The following PDE4D variants were observed in gnomAD, a reference collection of about 807,000 sequenced individuals.
The protein encoded by PDE4D is 3',5'-cyclic-AMP phosphodiesterase 4D.
A neutral mutation model predicts 87.4 loss-of-function variants in PDE4D; 24 were observed. That is an observed-to-expected ratio of 0.27 (90% CI 0.20 to 0.39). The LOEUF (loss-of-function observed/expected upper bound fraction) is 0.39, where lower values mean the gene tolerates loss of function less well. Among genes scored for constraint, PDE4D ranks in the 10% least tolerant of loss-of-function variants. The pLI is 1.00. For synonymous variants in PDE4D, 384 were observed against 383.2 expected (o/e 1.00, Z -0.02); for missense variants, 714 against 1,041.0 (o/e 0.69, Z 4.32).
At chr5:59,647,012 G>A (rs967151360) in intron 1 of PDE4D, among the ~76,000 whole-genome samples, 6 of 152,108 alleles carry the variant, frequency 3.9e-5, no homozygotes, top group African/African-American at 9.7e-5. Flanking sequence ...TCCAGCCTGG[G>A]TGACAGAGAG....
intron 1 of PDE4D, among the ~76,000 whole-genome samples, chr5:59,463,814 G>C (rs1037925586): frequency 6.6e-6 from 1 of 152,156 alleles, no homozygotes; most frequent in Non-Finnish European, 1.5e-5. Flanking sequence ...AGATCAGATT[G>C]TCACTGTGTC....
intron 1 of PDE4D, among the ~76,000 whole-genome samples, chr5:59,548,865 A>G (rs294486): frequency 0.85 from 129,104 of 152,014 alleles, 55,069 homozygotes; most frequent in South Asian, 0.92. Flanking sequence ...CTCCCATGAC[A>G]CCCCACTAGA....
intron 2 of PDE4D, among the ~76,000 whole-genome samples, chr5:60,152,837 A>T (rs1012378122): frequency 1.2e-3 from 184 of 152,214 alleles, no homozygotes; most frequent in African/African-American, 4.2e-3. Context: ...CTTCTGGGTT[A>T]TCCAATTTGT....
chr5:59,590,164 GAA>G (rs2153703022), intron 1 of PDE4D, among the ~76,000 whole-genome samples: 1 of 152,166 alleles, frequency 6.6e-6, no homozygotes, highest in African/African-American at 2.4e-5. Context: ...ATTTATATTA[GAA>G]AGAGGGTCTT....
chr5:59,705,079 G>A (rs1322967557), intron 1 of PDE4D, among the ~76,000 whole-genome samples: 1 of 152,146 alleles, frequency 6.6e-6, no homozygotes, highest in African/African-American at 2.4e-5. Context: ...CTAGCAATTC[G>A]CCAGAGTAAA....
chr5:59,685,185 C>T (rs1046838512), intron 1 of PDE4D, among the ~76,000 whole-genome samples: 3 of 152,172 alleles, frequency 2.0e-5, no homozygotes, highest in Non-Finnish European at 4.4e-5. Context: ...CTAATACGAA[C>T]ATAACTGTCT....
chr5:60,128,343 G>A (rs1181094684), intron 2 of PDE4D, among the ~76,000 whole-genome samples: 3 of 152,194 alleles, frequency 2.0e-5, no homozygotes, highest in Non-Finnish European at 4.4e-5. Context: ...CTTAAGCAGC[G>A]AGTGGCAGAG....
chr5:59,742,409 T>G (rs1758988253), intron 1 of PDE4D, among the ~76,000 whole-genome samples: 1 of 152,152 alleles, frequency 6.6e-6, no homozygotes, highest in Non-Finnish European at 1.5e-5. Flanking sequence ...CCCCACAAAT[T>G]ATCATGTTTA....
chr5:59,344,141 A>G (rs1561998828), intron 1 of PDE4D, among the ~76,000 whole-genome samples: 1 of 152,060 alleles, frequency 6.6e-6, no homozygotes, highest in Non-Finnish European at 1.5e-5. Flanking sequence ...TTTATGGGGG[A>G]AGAGGTTTTT....
intron 1 of PDE4D, among the ~76,000 whole-genome samples, chr5:60,456,983 G>A (rs1746520653): frequency 6.6e-6 from 1 of 152,136 alleles, no homozygotes; most frequent in Non-Finnish European, 1.5e-5. Flanking sequence ...ATACTAGTGA[G>A]CTAGTGAGTG....
intron 1 of PDE4D, among the ~76,000 whole-genome samples, chr5:59,272,838 G>A (rs1291965515): frequency 6.6e-6 from 1 of 152,146 alleles, no homozygotes; most frequent in African/African-American, 2.4e-5. Flanking sequence ...AATTAAGGCT[G>A]TAAGGACAAG....
chr5:60,051,872 C>T (rs549894686), intron 2 of PDE4D, among the ~76,000 whole-genome samples: 1 of 152,162 alleles, frequency 6.6e-6, no homozygotes, highest in African/African-American at 2.4e-5. Context: ...ACCACTGATC[C>T]CGCAGAAATA....
At chr5:59,838,603 C>T (rs562735494) in intron 1 of PDE4D, among the ~76,000 whole-genome samples, 4 of 152,058 alleles carry the variant, frequency 2.6e-5, no homozygotes, top group Non-Finnish European at 5.9e-5. Flanking sequence ...AGATTACCAA[C>T]TCGTTTAACA....
chr5:60,127,536 G>A (rs1030837016), intron 2 of PDE4D: 11 of 450,566 alleles, frequency 2.4e-5, no homozygotes, highest in African/African-American at 1.0e-4. Context: ...TAGATGCAGC[G>A]CATAACTGGA....
chr5:59,386,795 C>T (rs1262296572), intron 1 of PDE4D, among the ~76,000 whole-genome samples: 3 of 152,074 alleles, frequency 2.0e-5, no homozygotes, highest in African/African-American at 7.2e-5. Context: ...AAGTTTTATA[C>T]TAATCACAGG....
At chr5:59,628,477 G>A (rs1455531330) in intron 1 of PDE4D, among the ~76,000 whole-genome samples, 2 of 152,150 alleles carry the variant, frequency 1.3e-5, no homozygotes, top group African/African-American at 4.8e-5. Context: ...TGAAAATTTA[G>A]TTTCTTTCAC....
chr5:60,501,435 A>G (rs1750071595), intron 1 of PDE4D, among the ~76,000 whole-genome samples: 1 of 151,810 alleles, frequency 6.6e-6, no homozygotes. Flanking sequence ...AGTCTTTGCT[A>G]TTGTGAATAG....
chr5:59,444,595 G>A (rs1798087031), intron 1 of PDE4D, among the ~76,000 whole-genome samples: 1 of 151,998 alleles, frequency 6.6e-6, no homozygotes, highest in Non-Finnish European at 1.5e-5. Flanking sequence ...GGCGGATCAC[G>A]AGGTCAGGAG....
At chr5:59,181,044 C>T (rs928805543) in intron 4 of PDE4D, among the ~76,000 whole-genome samples, 7 of 152,154 alleles carry the variant, frequency 4.6e-5, no homozygotes, top group Non-Finnish European at 7.4e-5. Context: ...GGCCTAAATT[C>T]TCGTGATTGC....
Sources: gnomAD v4.1 joint callset for allele counts (sites outside exome capture counted in the v4.1 genomes callset) on GRCh38, gnomAD v4.1.1 for gene constraint, MANE v1.5 for transcripts, NCBI Gene and HGNC (gene_info 2026-07-23, HGNC 2026-07-21) for gene names.